TBCK: variants seen among roughly 807,000 people sequenced by gnomAD.
The protein encoded by TBCK is TBC1 domain containing kinase, also known as TBC domain-containing protein kinase-like protein.
Under a neutral mutation model 113.4 loss-of-function variants are expected in TBCK, and 99 were observed. That is an observed-to-expected ratio of 0.87 (90% CI 0.74 to 1.03). TBCK has a LOEUF of 1.03. Ranked by LOEUF, TBCK falls within the 50% of genes least tolerant of loss-of-function variation. The pLI, the probability that TBCK is intolerant of heterozygous loss-of-function variation, is 0.00. For synonymous variants in TBCK, 369 were observed against 370.8 expected, an observed-to-expected ratio of 1.00 and a Z score of 0.05; for missense variants, 1,045 against 1,061.3, an observed-to-expected ratio of 0.98 and a Z score of 0.21.
Position 106,230,555 on chromosome 4 carries a change from G to A in TBCK, c.1691-109C>T, listed in dbSNP as rs192122675. On this transcript the variant is annotated intron_variant, in intron 18 of 25. Transcript: ENST00000394708. ...TCCTTGAAACTACTATTAAATAACA[G>A]TTATGATAGCCAAGTGCTAGAAAAA... 454 of 494,364 alleles carry A rather than the reference G, an allele frequency of 9.2e-4. 1 individual carries two copies. Among genetic ancestry groups the A allele is most frequent in the African/African-American group, 8.5e-3 (429 of 50,586 alleles). The allele number at this position is 494,364 out of a possible 1,614,324, so 30.6% of individuals were successfully genotyped here. A position where few individuals can be genotyped will look rare whatever the true frequency, so the allele number is the denominator to read the frequency against.
intron 23 of TBCK, among the ~76,000 whole-genome samples, chr4:106,156,212 T>A (rs1352417456): frequency 6.6e-6 from 1 of 150,880 alleles, no homozygotes; most frequent in Non-Finnish European, 1.5e-5. Context: ...TACTTTCTCC[T>A]AAAAAAAAAT....
chr4:106,306,768 G>C (rs371914182), intron 2 of TBCK, among the ~76,000 whole-genome samples: 1 of 152,148 alleles, frequency 6.6e-6, no homozygotes, highest in Non-Finnish European at 1.5e-5. Context: ...GTTCCCTACA[G>C]AGAGAGACCC....
rs550299325 is a variant in TBCK, at chr4:106,306,786, C to G, written c.193+1982G>C. ...CCCTACAGAGAGAGACCCTTAAGGCCTCAACATGGCACCACCCATGCTCTT... is the reference window on the plus strand; with the variant it reads ...CCCTACAGAGAGAGACCCTTAAGGCGTCAACATGGCACCACCCATGCTCTT... On this transcript the variant is annotated intron_variant, in intron 2 of 25. Transcript: ENST00000394708. Among the ~76,000 whole-genome samples, 4 of 152,272 alleles carry G rather than the reference C, an allele frequency of 2.6e-5. No individual in the cohort carries two copies. In the South Asian group the frequency reaches 6.2e-4, roughly 24 times the overall value.
chr4:106,137,051 T>C (rs1246962394), intron 23 of TBCK, among the ~76,000 whole-genome samples: 1 of 140,464 alleles, frequency 7.1e-6, no homozygotes, highest in Non-Finnish European at 1.6e-5. Context: ...AGGGAAGATA[T>C]GTTTAAATCT....
chr4:106,182,616 A>T (rs1752528673), intron 22 of TBCK: 1 of 152,138 alleles, frequency 6.6e-6, no homozygotes, highest in Non-Finnish European at 1.5e-5. Context: ...TTCTGCATCT[A>T]TTGAGATAAT....
intron 4 of TBCK, 129 bp from the exon 5 acceptor site, chr4:106,260,639 A>T (rs138666831): frequency 5.4e-6 from 2 of 369,602 alleles, no homozygotes; most frequent in African/African-American, 4.2e-5. Flanking sequence ...ATTTTATCAA[A>T]ATGCCACTGT....
At chr4:106,161,704 G>C (rs1194125833) in intron 23 of TBCK, among the ~76,000 whole-genome samples, 1 of 99,266 alleles carries the variant, frequency 1.0e-5, no homozygotes, top group Non-Finnish European at 2.2e-5. Flanking sequence ...GTGTGTCTGT[G>C]TGTGTGTGTG....
At chr4:106,250,564 A>AT in intron 6 of TBCK, 86 bp from the exon 7 acceptor site, 2 of 678,392 alleles carry the variant, frequency 2.9e-6, no homozygotes, top group Non-Finnish European at 4.9e-6. Context: ...GCTGAAACTG[A>AT]TTTTATCAGG....
At chr4:106,161,673 C>T (rs935252703) in intron 23 of TBCK, among the ~76,000 whole-genome samples, 1 of 151,222 alleles carries the variant, frequency 6.6e-6, no homozygotes. Flanking sequence ...GAATGGTTTG[C>T]AGCTTGTTAA....
intron 24 of TBCK, 149 bp downstream of exon 24, chr4:106,116,054 C>T: frequency 1.5e-6 from 1 of 676,340 alleles, no homozygotes; most frequent in Non-Finnish European, 2.4e-6. Context: ...TTATGCAAGA[C>T]CATTCTGGCA....
At chr4:106,187,807 T>A (rs1291544197) in intron 22 of TBCK, among the ~76,000 whole-genome samples, 1 of 152,190 alleles carries the variant, frequency 6.6e-6, no homozygotes, top group Non-Finnish European at 1.5e-5. Context: ...TGTATTTTTT[T>A]ATTGGCTATT....
At chr4:106,146,282 C>A (rs1369839562) in intron 23 of TBCK, among the ~76,000 whole-genome samples, 1 of 152,148 alleles carries the variant, frequency 6.6e-6, no homozygotes, top group East Asian at 1.9e-4. Context: ...AGAATGAGAT[C>A]ATGTCTTTTA....
At chr4:106,066,445 A>G (rs573212267) in intron 25 of TBCK, among the ~76,000 whole-genome samples, 7 of 152,186 alleles carry the variant, frequency 4.6e-5, no homozygotes, top group Admixed American at 3.9e-4. Flanking sequence ...CAGAAAGTGT[A>G]GGGCTCAGAT....
chr4:106,152,906 CA>C (rs1748671210), intron 23 of TBCK, among the ~76,000 whole-genome samples: 1 of 152,022 alleles, frequency 6.6e-6, no homozygotes, highest in South Asian at 2.1e-4. Context: ...TGAATTTCTG[CA>C]ATAACAGTAG....
At chr4:106,113,241 C>T (rs1007748482) in intron 24 of TBCK, among the ~76,000 whole-genome samples, 1 of 152,150 alleles carries the variant, frequency 6.6e-6, no homozygotes, top group African/African-American at 2.4e-5. Flanking sequence ...CACAGGCATC[C>T]CTTATAACCT....
At chr4:106,064,979 T>C (rs1318781065) in intron 25 of TBCK, among the ~76,000 whole-genome samples, 1 of 151,980 alleles carries the variant, frequency 6.6e-6, no homozygotes, top group African/African-American at 2.4e-5. Flanking sequence ...GGATTCACTA[T>C]GGAGTTTTTA....
rs1442078738 is a variant in TBCK at position 106,248,291 on chromosome 4, C to A, written c.736G>T (p.Val246Leu). 4 of 1,590,202 alleles carry A rather than the reference C, an allele frequency of 2.5e-6. No individual in the cohort carries two copies. The highest frequency in any genetic ancestry group is 3.4e-6 in the Non-Finnish European group (4 of 1,168,016). The stretch of plus-strand genomic sequence containing the variant: ...AGGCACTTATTCAAAAGATCTATCA[C>A]AGTTTCAGGAAGCTCCTGGTAAATA... ...LDIIKELPET[V>L]IDLLNKCLTF... is the part of the protein sequence containing the mutation. The change falls in exon 9 of 26, where the codon GTG becomes TTG. Residue 246 changes from valine to leucine, a missense_variant. By Grantham distance (32) the Val-to-Leu change is conservative. Transcript: ENST00000394708.
At position 106,308,753 on chromosome 4, in the gene TBCK, A is replaced by C; in HGVS notation, c.193+15T>G. ...AGTAGAGAACATAAATAGGAAAAAA[A>C]AGAAAATAACTTACCATGCTTTCCC... is the stretch of plus-strand genomic sequence containing the variant. On this transcript the variant is annotated intron_variant, in intron 2 of 25. Coordinates refer to ENST00000394708, the MANE Select transcript of TBCK (RefSeq NM_001163435.3). 6.3e-7 allele frequency: 1 copy of C among 1,597,574 alleles called. No individual in the cohort carries two copies. The highest frequency in any genetic ancestry group is 8.5e-7 in the Non-Finnish European group (1 of 1,174,766).
intron 19 of TBCK, among the ~76,000 whole-genome samples, chr4:106,225,188 T>C (rs1259372441): frequency 6.6e-6 from 1 of 152,188 alleles, no homozygotes; most frequent in Non-Finnish European, 1.5e-5. Flanking sequence ...ATGGTCAATA[T>C]AAAATTTGGA....
Sources: allele counts gnomAD v4.1 joint callset (sites outside exome capture counted in the v4.1 genomes callset), GRCh38; gene constraint gnomAD v4.1.1; transcripts MANE v1.5; gene names NCBI Gene and HGNC (gene_info 2026-07-23, HGNC 2026-07-21).